Variants in ZC3H3 observed in about 807,000 individuals in gnomAD.
ZC3H3 encodes the protein zinc finger CCCH domain-containing protein 3.
ZC3H3 carries 36 observed loss-of-function variants against 77.3 expected under a neutral mutation model. That is an observed-to-expected ratio of 0.47 (90% CI 0.36 to 0.61). The LOEUF (loss-of-function observed/expected upper bound fraction) is 0.61, where lower values mean the gene tolerates loss of function less well. ZC3H3 is among the 20% of genes least tolerant of loss of function. ZC3H3 has a pLI of 0.00. For missense variants in ZC3H3, 1,331 were observed against 1,312.2 expected (o/e 1.01, Z -0.22); for synonymous variants, 626 against 555.2 (o/e 1.13, Z -1.79).
chr8:143,440,437 C>A, intron 10 of ZC3H3, 74 bp from the exon 11 acceptor site: 1 of 1,471,614 alleles, frequency 6.8e-7, no homozygotes, highest in South Asian at 1.4e-5. Flanking sequence ...TGCCCATGCT[C>A]TTGGCTGCTT....
chr8:143,537,894 G>T, intron 2 of ZC3H3, 109 bp downstream of exon 2: 1 of 1,158,344 alleles, frequency 8.6e-7, no homozygotes, highest in African/African-American at 1.5e-5. Context: ...TGCTGGAAAT[G>T]TGAACGCAAC....
chr8:143,508,252 G>A (rs971954913), intron 3 of ZC3H3, among the ~76,000 whole-genome samples: 1 of 152,194 alleles, frequency 6.6e-6, no homozygotes, highest in Non-Finnish European at 1.5e-5. Context: ...TCCGCAACAG[G>A]GGGACTCGAG....
chr8:143,475,707 TG>T, intron 4 of ZC3H3, 122 bp from the exon 5 acceptor site: 1 of 1,187,468 alleles, frequency 8.4e-7, no homozygotes, highest in Non-Finnish European at 1.1e-6. Flanking sequence ...GCACTTGCGG[TG>T]GGTACACACT....
At chr8:143,510,043 T>A (rs28583263) in intron 3 of ZC3H3, among the ~76,000 whole-genome samples, 115 of 152,284 alleles carry the variant, frequency 7.6e-4, no homozygotes, top group African/African-American at 2.8e-3. Context: ...AGGCAGGGCC[T>A]GGCGGGCGGC....
chr8:143,528,131 CAA>C (rs1030763977), intron 3 of ZC3H3, among the ~76,000 whole-genome samples: 1 of 152,206 alleles, frequency 6.6e-6, no homozygotes. Flanking sequence ...CCCCCACTGC[CAA>C]GACACAGCAA....
intron 3 of ZC3H3, among the ~76,000 whole-genome samples, chr8:143,517,691 T>C (rs1822104391): frequency 6.6e-6 from 1 of 152,182 alleles, no homozygotes; most frequent in Non-Finnish European, 1.5e-5. Context: ...GCTCACCTGC[T>C]CCCAGTCTGG....
At chr8:143,507,250 T>C (rs1821728530) in intron 4 of ZC3H3, among the ~76,000 whole-genome samples, 1 of 151,592 alleles carries the variant, frequency 6.6e-6, no homozygotes, top group Admixed American at 6.6e-5. Flanking sequence ...GAGGTCAGAG[T>C]GCGAGTGGGG....
At chr8:143,511,507 G>C (rs542727261) in intron 3 of ZC3H3, among the ~76,000 whole-genome samples, 1 of 152,230 alleles carries the variant, frequency 6.6e-6, no homozygotes, top group Non-Finnish European at 1.5e-5. Context: ...ACTGTCTGAG[G>C]CTGCCAAGCA....
intron 4 of ZC3H3, among the ~76,000 whole-genome samples, chr8:143,479,813 G>T (rs962975701): frequency 3.9e-5 from 6 of 152,216 alleles, no homozygotes; most frequent in Admixed American, 3.3e-4. Context: ...GGGGACAAAG[G>T]CCAGGAGGGG....
At chr8:143,528,950 C>T (rs1451694826) in intron 3 of ZC3H3, among the ~76,000 whole-genome samples, 2 of 152,240 alleles carry the variant, frequency 1.3e-5, no homozygotes, top group Non-Finnish European at 2.9e-5. Flanking sequence ...GACAATAAGC[C>T]GGCAATTCCT....
intron 3 of ZC3H3, among the ~76,000 whole-genome samples, chr8:143,519,636 G>A (rs988050790): frequency 3.9e-5 from 6 of 152,252 alleles, no homozygotes; most frequent in South Asian, 2.1e-4. Context: ...CGAGCGTGCC[G>A]TGCTGTGTGC....
chr8:143,476,146 C>A (rs975984033), intron 4 of ZC3H3, among the ~76,000 whole-genome samples: 1 of 152,190 alleles, frequency 6.6e-6, no homozygotes, highest in Non-Finnish European at 1.5e-5. Context: ...CCACCCTGGC[C>A]GTCAGGACCA....
At chr8:143,477,070 C>T (rs753052964) in intron 4 of ZC3H3, among the ~76,000 whole-genome samples, 29 of 152,188 alleles carry the variant, frequency 1.9e-4, no homozygotes, top group Non-Finnish European at 2.5e-4. Context: ...GCCCTTCTGT[C>T]GGGTTCCACC....
intron 3 of ZC3H3, among the ~76,000 whole-genome samples, chr8:143,515,481 T>C (rs1330119503): frequency 2.0e-5 from 3 of 152,228 alleles, no homozygotes; most frequent in Non-Finnish European, 4.4e-5. Flanking sequence ...AGTGGAATCA[T>C]AGTGGGCACC....
At chr8:143,492,126 G>A (rs1228288558) in intron 4 of ZC3H3, among the ~76,000 whole-genome samples, 1 of 152,220 alleles carries the variant, frequency 6.6e-6, no homozygotes, top group Non-Finnish European at 1.5e-5. Context: ...AAAGACAGAC[G>A]TTGCATGGGA....
intron 3 of ZC3H3, among the ~76,000 whole-genome samples, chr8:143,518,887 CG>C (rs1324633924): frequency 6.6e-6 from 1 of 152,230 alleles, no homozygotes; most frequent in Non-Finnish European, 1.5e-5. Context: ...TGGCCTTGAC[CG>C]GGGTGGCACC....
At chr8:143,496,047 G>A in intron 4 of ZC3H3, among the ~76,000 whole-genome samples, 1 of 152,328 alleles carries the variant, frequency 6.6e-6, no homozygotes, top group African/African-American at 2.4e-5. Context: ...ACTGGAACTT[G>A]TGTGCTAGGC....
intron 9 of ZC3H3, among the ~76,000 whole-genome samples, chr8:143,456,386 T>C (rs1274394522): frequency 1.3e-5 from 2 of 152,178 alleles, no homozygotes; most frequent in Non-Finnish European, 2.9e-5. Flanking sequence ...TAAAACATGA[T>C]TGAACTATCT....
At chr8:143,541,224 C>A in intron 1 of ZC3H3, 152 bp downstream of exon 1, 1 of 1,457,970 alleles carries the variant, frequency 6.9e-7, no homozygotes, top group South Asian at 1.4e-5. Flanking sequence ...CTGAGCCGGC[C>A]CACAAGTCCT....
Sources: allele counts gnomAD v4.1 joint callset (sites outside exome capture counted in the v4.1 genomes callset), GRCh38; gene constraint gnomAD v4.1.1; transcripts MANE v1.5; gene names NCBI Gene and HGNC (gene_info 2026-07-23, HGNC 2026-07-21).